The following RASGRF2 variants were observed in gnomAD, a reference collection of about 807,000 sequenced individuals.
RASGRF2 encodes Ras protein specific guanine nucleotide releasing factor 2.
In RASGRF2, 76 loss-of-function variants were observed where a neutral mutation model predicts 151.0. The observed-to-expected ratio is 0.50, with a 90% confidence interval of 0.42 to 0.61. The LOEUF (loss-of-function observed/expected upper bound fraction) is 0.61. Among genes scored for constraint, RASGRF2 ranks in the 20% least tolerant of loss-of-function variants. RASGRF2 has a pLI of 0.00. For missense variants in RASGRF2, 1,148 were observed against 1,564.6 expected (o/e 0.73, Z 4.49); for synonymous variants, 504 against 566.5 (o/e 0.89, Z 1.57).
chr5:81,171,598 T>A (rs1308523301), intron 17 of RASGRF2, among the ~76,000 whole-genome samples: 1 of 152,118 alleles, frequency 6.6e-6, no homozygotes, highest in African/African-American at 2.4e-5. Context: ...TAACCATTTC[T>A]AGAGCATTTG....
At chr5:80,975,103 G>A (rs755825239) in intron 1 of RASGRF2, among the ~76,000 whole-genome samples, 11 of 151,900 alleles carry the variant, frequency 7.2e-5, no homozygotes, top group Non-Finnish European at 7.4e-5. Flanking sequence ...AGATTGTCAG[G>A]AACTCAGTGC....
rs153230 is a variant in RASGRF2 at position 81,119,313 on chromosome 5, G to C, written c.2471-4329G>C. Among the ~76,000 whole-genome samples, 7 of 152,030 alleles carry C rather than the reference G, an allele frequency of 4.6e-5. 1 individual carries two copies. ...CTCACAGTTCTAGAGGCTGGCATCT[G>C]GTGAGGGCCTTCTTGCTGCATTATA... On this transcript the variant is annotated intron_variant, in intron 15 of 26. Transcript: ENST00000265080.
chr5:81,147,557 C>G (rs369645743), intron 17 of RASGRF2, among the ~76,000 whole-genome samples: 2 of 152,236 alleles, frequency 1.3e-5, no homozygotes, highest in Middle Eastern at 3.4e-3. Context: ...TAACTGAAAT[C>G]GAGTAAAATA....
intron 16 of RASGRF2, among the ~76,000 whole-genome samples, chr5:81,125,479 A>G (rs1377815409): frequency 6.6e-6 from 1 of 152,180 alleles, no homozygotes; most frequent in Non-Finnish European, 1.5e-5. Flanking sequence ...CTGGCTTGTC[A>G]TAGTACTACT....
chr5:81,104,315 ATATC>A (rs1444863522), intron 12 of RASGRF2, among the ~76,000 whole-genome samples: 2 of 152,038 alleles, frequency 1.3e-5, no homozygotes, highest in Non-Finnish European at 2.9e-5. Flanking sequence ...ATAAAAGTCT[ATATC>A]TATTCATTTT....
At chr5:80,980,368 A>G (rs1461049866) in intron 1 of RASGRF2, among the ~76,000 whole-genome samples, 1 of 152,148 alleles carries the variant, frequency 6.6e-6, no homozygotes, top group Non-Finnish European at 1.5e-5. Flanking sequence ...GGCTGGGTGC[A>G]GTGGTTCATG....
chr5:81,207,185 T>C (rs1369493445), intron 20 of RASGRF2, 61 bp from the exon 21 acceptor site: 2 of 1,391,976 alleles, frequency 1.4e-6, no homozygotes, highest in African/African-American at 1.4e-5. Flanking sequence ...CTCACTGACC[T>C]GCAATGAGAT....
In RASGRF2 at chr5:80,977,029, G is replaced by A. The variant is rs548501106; in HGVS notation, c.288+16003G>A. ...GCGTCCTCTTGTATTTGTTTTGTTG[G>A]CAAGGTTCACCTATTTGGAATTGTG... is the stretch of plus-strand genomic sequence containing the variant. On this transcript the variant is annotated intron_variant, in intron 1 of 26. Coordinates refer to ENST00000265080, the MANE Select transcript of RASGRF2 (RefSeq NM_006909.3). 5.9e-5 allele frequency among the ~76,000 whole-genome samples: 9 copies of A among 152,248 alleles called. 1 individual carries two copies. The East Asian group carries it at 1.7e-3, about 29-fold the overall frequency.
At chr5:80,971,338 T>G (rs1747924747) in intron 1 of RASGRF2, among the ~76,000 whole-genome samples, 1 of 152,214 alleles carries the variant, frequency 6.6e-6, no homozygotes, top group South Asian at 2.1e-4. Flanking sequence ...GTAAGTACTC[T>G]TTCATGTTGG....
chr5:81,149,663 T>A lies in RASGRF2; in HGVS notation c.2686+22500T>A, dbSNP rs553117429. Among the ~76,000 whole-genome samples, 8 of 152,222 alleles carry A rather than the reference T, an allele frequency of 5.3e-5. No homozygotes were observed. In the South Asian group the frequency reaches 6.2e-4, roughly 12 times the overall value. The stretch of plus-strand genomic sequence containing the variant: ...AAAAAAAAATCCACCCTCCATGAGT[T>A]TCACCATCTTCTGATGGAGACTTAG... On this transcript the variant is annotated intron_variant, in intron 17 of 26. Transcript: ENST00000265080.
At chr5:81,145,641 C>T (rs898667907) in intron 17 of RASGRF2, among the ~76,000 whole-genome samples, 4 of 152,098 alleles carry the variant, frequency 2.6e-5, no homozygotes, top group African/African-American at 7.2e-5. Context: ...TGAGGAGAGT[C>T]GCACAGGGGA....
chr5:81,196,151 C>T (rs977809668), intron 18 of RASGRF2, among the ~76,000 whole-genome samples: 26 of 152,064 alleles, frequency 1.7e-4, no homozygotes, highest in African/African-American at 4.8e-4. Context: ...CACAGCTGCT[C>T]GGGAGGCTGA....
chr5:81,067,562 A>AT (rs1280013888), intron 2 of RASGRF2, among the ~76,000 whole-genome samples: 1 of 152,018 alleles, frequency 6.6e-6, no homozygotes, highest in East Asian at 1.9e-4. Context: ...GACATAATAG[A>AT]TTTTTTCCAG....
At chr5:81,058,844 TA>T (rs1390149075) in intron 2 of RASGRF2, among the ~76,000 whole-genome samples, 1 of 151,338 alleles carries the variant, frequency 6.6e-6, no homozygotes, top group African/African-American at 2.4e-5. Context: ...TAAATCATAT[TA>T]GATGATAAAT....
Position 81,073,193 on chromosome 5 carries a change from C to G in RASGRF2, c.634-6C>G, listed in dbSNP as rs377051704. The G allele has an allele frequency of 1.2e-6, 2 of 1,604,178 alleles. No homozygotes were observed. Among genetic ancestry groups the G allele is most frequent in the African/African-American group, 2.7e-5 (2 of 74,466 alleles). ...TCAGATTCCTTTCTGATTTTTTGTT[C>G]TGTAGGTTCAGAGCTTCATGCGAGG... On this transcript the variant is annotated splice_polypyrimidine_tract_variant and splice_region_variant and intron_variant, in intron 4 of 26. Transcript: ENST00000265080.
intron 26 of RASGRF2, among the ~76,000 whole-genome samples, chr5:81,222,134 G>A (rs183865328): frequency 4.6e-5 from 7 of 152,256 alleles, no homozygotes; most frequent in African/African-American, 9.6e-5. Flanking sequence ...ATATGCTTGC[G>A]TTATGGAGGT....
chr5:80,993,099 T>C (rs1748706628), intron 1 of RASGRF2, among the ~76,000 whole-genome samples: 1 of 152,160 alleles, frequency 6.6e-6, no homozygotes, highest in Non-Finnish European at 1.5e-5. Context: ...TTTCAATCTG[T>C]CCTTTGCTAG....
chr5:81,186,338 C>T (rs544564475), intron 18 of RASGRF2, among the ~76,000 whole-genome samples: 1 of 152,320 alleles, frequency 6.6e-6, no homozygotes, highest in South Asian at 2.1e-4. Context: ...CTCCAAGTCT[C>T]TGCCCCTCTT....
At chr5:81,093,083 T>C (rs1752436563) in intron 10 of RASGRF2, 122 bp downstream of exon 10, 1 of 1,045,726 alleles carries the variant, frequency 9.6e-7, no homozygotes, top group Non-Finnish European at 1.4e-6. Flanking sequence ...GATTGCATAA[T>C]GAGTGAGGTA....
Sources: allele counts gnomAD v4.1 joint callset (sites outside exome capture counted in the v4.1 genomes callset), GRCh38; gene constraint gnomAD v4.1.1; transcripts MANE v1.5; gene names NCBI Gene and HGNC (gene_info 2026-07-23, HGNC 2026-07-21).